The following TUSC3 variants were observed in gnomAD, a reference collection of about 807,000 sequenced individuals.
TUSC3 encodes dolichyl-diphosphooligosaccharide--protein glycosyltransferase subunit TUSC3.
A neutral mutation model predicts 44.8 loss-of-function variants in TUSC3; 45 were observed. The observed-to-expected ratio is 1.00, with a 90% CI of 0.79 to 1.29. The LOEUF (loss-of-function observed/expected upper bound fraction) is 1.29, where lower values mean the gene tolerates loss of function less well. Ranked by LOEUF, TUSC3 falls within the 50% of genes most tolerant of loss-of-function variation. TUSC3 has a pLI of 0.00. For synonymous variants in TUSC3, 212 were observed against 152.9 expected, an observed-to-expected ratio of 1.39 and a Z score of -2.85; for missense variants, 519 against 437.9, an observed-to-expected ratio of 1.19 and a Z score of -1.65.
At chr8:15,637,147 C>G (rs1160522546) in intron 2 of TUSC3, among the ~76,000 whole-genome samples, 4 of 151,922 alleles carry the variant, frequency 2.6e-5, no homozygotes, top group African/African-American at 7.3e-5. Flanking sequence ...TTTAAAATAC[C>G]AGTTCTATTT....
upstream of TUSC3, chr8:15,540,176 C>T: frequency 2.2e-6 from 1 of 452,130 alleles, no homozygotes; most frequent in Non-Finnish European, 3.7e-6. Flanking sequence ...CGCCGCGCCC[C>T]CGAAGCCTGG....
chr8:15,578,723 T>A (rs1803208464), intron 1 of TUSC3, among the ~76,000 whole-genome samples: 1 of 152,046 alleles, frequency 6.6e-6, no homozygotes, highest in Admixed American at 6.6e-5. Context: ...TTGCCAGTAT[T>A]TTATTGAGGA....
At chr8:15,748,617 G>A (rs1215598140) in intron 9 of TUSC3, 152 bp downstream of exon 9, 2 of 765,958 alleles carry the variant, frequency 2.6e-6, no homozygotes, top group Non-Finnish European at 4.7e-6. Flanking sequence ...CATGTGTTCA[G>A]CATAGTGAAG....
intron 2 of TUSC3, among the ~76,000 whole-genome samples, chr8:15,507,954 C>T (rs1261200145): frequency 6.6e-6 from 1 of 152,082 alleles, no homozygotes; most frequent in Middle Eastern, 3.2e-3. Flanking sequence ...TCAAAACTTG[C>T]TCTGAGGCCA....
chr8:15,719,046 T>C (rs1384383043), intron 6 of TUSC3, among the ~76,000 whole-genome samples: 1 of 152,106 alleles, frequency 6.6e-6, no homozygotes, highest in Non-Finnish European at 1.5e-5. Flanking sequence ...CTTTACGTCA[T>C]CAGCATCTTT....
chr8:15,806,467 A>C, the TUSC3 span: 1 of 866,172 alleles, frequency 1.2e-6, no homozygotes, highest in Non-Finnish European at 2.0e-6. Flanking sequence ...GACTTCCCTT[A>C]TGCAAACAGG....
intron 2 of TUSC3, among the ~76,000 whole-genome samples, chr8:15,506,936 T>G: frequency 6.6e-6 from 1 of 152,238 alleles, no homozygotes. Context: ...CGGCTAGGCT[T>G]AGATCATGCC....
intron 1 of TUSC3, among the ~76,000 whole-genome samples, chr8:15,462,694 T>G (rs1322322774): frequency 6.6e-6 from 1 of 152,132 alleles, no homozygotes; most frequent in Non-Finnish European, 1.5e-5. Flanking sequence ...TTTAGTCTAT[T>G]ATACTCCTAT....
chr8:15,737,454 A>G (rs183275051), intron 7 of TUSC3, among the ~76,000 whole-genome samples: 24 of 152,290 alleles, frequency 1.6e-4, no homozygotes, highest in Admixed American at 1.2e-3. Context: ...CAGCTTTTTT[A>G]TGTGGGATCA....
intron 1 of TUSC3, among the ~76,000 whole-genome samples, chr8:15,473,110 C>T (rs1334582186): frequency 2.0e-5 from 3 of 151,990 alleles, no homozygotes; most frequent in Non-Finnish European, 2.9e-5. Context: ...TTTTAGTTTC[C>T]CCAAATAAGT....
chr8:15,768,130 A>C (rs981275272), downstream of TUSC3, among the ~76,000 whole-genome samples: 2 of 150,022 alleles, frequency 1.3e-5, no homozygotes, highest in Non-Finnish European at 3.0e-5. Flanking sequence ...CCTGTCTGTA[A>C]AGTGGGGAGA....
the TUSC3 span, among the ~76,000 whole-genome samples, chr8:15,801,594 G>A: frequency 6.6e-6 from 1 of 152,136 alleles, no homozygotes; most frequent in Admixed American, 6.6e-5. Context: ...GTCTGTGGAT[G>A]GCTGGGTAAA....
chr8:15,421,394 C>T (rs1483189884), intron 1 of TUSC3, among the ~76,000 whole-genome samples: 2 of 152,264 alleles, frequency 1.3e-5, no homozygotes, highest in East Asian at 1.9e-4. Context: ...GTAACTCTCT[C>T]TTGCTGCAAC....
intron 6 of TUSC3, among the ~76,000 whole-genome samples, chr8:15,704,864 G>C (rs1809553448): frequency 1.3e-5 from 2 of 151,820 alleles, no homozygotes; most frequent in Non-Finnish European, 1.5e-5. Context: ...AAAGGGTTAA[G>C]TGATTTGCCC....
At position 15,624,313 on chromosome 8, in the gene TUSC3, G is replaced by A. The variant is rs115839055; in HGVS notation, c.308+1064G>A. On this transcript the variant is annotated intron_variant, in intron 2 of 10. Transcript: ENST00000503731. ...CTGCAGGTTTTTATGTGAACTTACCGTTTTTCTGGGAAGAATGCCACAGAG... is the reference window on the plus strand; with the variant it reads ...CTGCAGGTTTTTATGTGAACTTACCATTTTTCTGGGAAGAATGCCACAGAG... Among the ~76,000 whole-genome samples the A allele has an allele frequency of 7.6e-3, 1,153 of 152,130 alleles. 15 individuals carry two copies. The highest frequency in any genetic ancestry group is 0.027 in the African/African-American group (1,123 of 41,512).
chr8:15,438,790 C>G (rs759961699), intron 1 of TUSC3, among the ~76,000 whole-genome samples: 56 of 152,154 alleles, frequency 3.7e-4, no homozygotes, highest in Non-Finnish European at 1.2e-4. Context: ...TCCTGACAAT[C>G]CTAGGAGCTA....
intron 1 of TUSC3, among the ~76,000 whole-genome samples, chr8:15,601,494 G>C (rs973415082): frequency 6.6e-6 from 1 of 151,716 alleles, no homozygotes; most frequent in African/African-American, 2.4e-5. Context: ...GCAAAACTGA[G>C]ATGCTTTCTT....
intron 1 of TUSC3, among the ~76,000 whole-genome samples, chr8:15,446,360 G>T (rs1800098972): frequency 6.6e-6 from 1 of 152,084 alleles, no homozygotes; most frequent in African/African-American, 2.4e-5. Flanking sequence ...TCGGCACTTT[G>T]GGAGGCCAAG....
At chr8:15,760,119 CT>C (rs1812110910) in intron 10 of TUSC3, among the ~76,000 whole-genome samples, 1 of 152,072 alleles carries the variant, frequency 6.6e-6, no homozygotes, top group African/African-American at 2.4e-5. Flanking sequence ...AAGATATGCG[CT>C]GATCATGTTG....
Sources: gnomAD v4.1 joint callset for allele counts (sites outside exome capture counted in the v4.1 genomes callset) on GRCh38, gnomAD v4.1.1 for gene constraint, MANE v1.5 for transcripts, NCBI Gene and HGNC (gene_info 2026-07-23, HGNC 2026-07-21) for gene names.